The following ULK4 variants were observed in gnomAD, a reference collection of about 807,000 sequenced individuals.
ULK4 encodes unc-51 like kinase 4.
In ULK4, 133 loss-of-function variants were observed where a neutral mutation model predicts 160.6. The observed-to-expected ratio is 0.83, with a 90% CI of 0.72 to 0.96. The LOEUF is 0.96. ULK4 is among the 40% of genes least tolerant of loss of function. The pLI is 0.00. For synonymous variants in ULK4, 534 were observed against 539.8 expected, an observed-to-expected ratio of 0.99 and a Z score of 0.15; for missense variants, 1,580 against 1,499.5, an observed-to-expected ratio of 1.05 and a Z score of -0.89.
intron 17 of ULK4, among the ~76,000 whole-genome samples, chr3:41,881,226 T>C (rs1230382858): frequency 6.9e-6 from 1 of 144,088 alleles, no homozygotes; most frequent in Non-Finnish European, 1.5e-5. Context: ...ATCTTATTCA[T>C]CTCAAATGGT....
chr3:41,852,196 G>A (rs2042232426), intron 17 of ULK4, among the ~76,000 whole-genome samples: 1 of 152,242 alleles, frequency 6.6e-6, no homozygotes, highest in East Asian at 1.9e-4. Context: ...GGAAGAAGCT[G>A]AATCTCTGAA....
chr3:41,943,865 T>A (rs1002326553), intron 2 of ULK4, among the ~76,000 whole-genome samples: 1 of 152,226 alleles, frequency 6.6e-6, no homozygotes, highest in Non-Finnish European at 1.5e-5. Flanking sequence ...TATTTTTCCC[T>A]TGCTAATAGA....
At chr3:41,367,294 G>A (rs183222269) in intron 35 of ULK4, among the ~76,000 whole-genome samples, 2 of 152,300 alleles carry the variant, frequency 1.3e-5, no homozygotes, top group Admixed American at 1.3e-4. Context: ...CTAAGTAGAT[G>A]CTGCCGAAAG....
rs147785795 is a variant in ULK4, at chr3:41,588,050, T to C, written c.3121-21920A>G. 2.0e-5 allele frequency among the ~76,000 whole-genome samples: 3 copies of C among 152,346 alleles called. No homozygotes were observed. The East Asian group carries it at 5.8e-4, about 29-fold the overall frequency. ...AGTTCTTTTATCCACAAGATTGCTG[T>C]TGAAATCAGGCTTTGGCCAGATTTA... On this transcript the variant is annotated intron_variant, in intron 31 of 36. Transcript: ENST00000301831.
intron 35 of ULK4, among the ~76,000 whole-genome samples, chr3:41,358,805 C>G (rs1012371625): frequency 1.3e-5 from 2 of 152,060 alleles, no homozygotes; most frequent in African/African-American, 4.8e-5. Flanking sequence ...ATGCCATAAA[C>G]TTACTTAGGT....
intron 32 of ULK4, among the ~76,000 whole-genome samples, chr3:41,506,786 A>ATATT (rs2085405428): frequency 1.0e-5 from 1 of 96,012 alleles, no homozygotes; most frequent in South Asian, 3.8e-4. Flanking sequence ...ATATATATAT[A>ATATT]TATATATATA....
rs141525251 is a variant in ULK4, at chr3:41,742,953, A to G, written c.2321+11408T>C. Among the ~76,000 whole-genome samples, 36 of 152,040 alleles carry G rather than the reference A, an allele frequency of 2.4e-4. No homozygotes were observed. In the East Asian group the frequency reaches 5.4e-3, roughly 23 times the overall value. ...AGAAAAAATAGACAAAAGAAAAAAAATAGAGTCTCAGGGATCAGTAGGAGA... is the reference window on the plus strand; with the variant it reads ...AGAAAAAATAGACAAAAGAAAAAAAGTAGAGTCTCAGGGATCAGTAGGAGA... On this transcript the variant is annotated intron_variant, in intron 22 of 36. Coordinates refer to ENST00000301831, the MANE Select transcript of ULK4 (RefSeq NM_017886.4).
chr3:41,893,605 C>T (rs1168773553), intron 16 of ULK4, among the ~76,000 whole-genome samples: 1 of 151,448 alleles, frequency 6.6e-6, no homozygotes, highest in Non-Finnish European at 1.5e-5. Flanking sequence ...GATTTATTCT[C>T]AAAAATGTTC....
intron 32 of ULK4, among the ~76,000 whole-genome samples, chr3:41,469,717 G>T (rs2083929194): frequency 1.4e-5 from 2 of 141,684 alleles, no homozygotes; most frequent in South Asian, 4.3e-4. Context: ...AGGAAATCAT[G>T]ATATATCCAA....
chr3:41,721,152 A>AT lies in ULK4; in HGVS notation c.2322-3292dup, dbSNP rs1436256091. On this transcript the variant is annotated intron_variant, in intron 22 of 36. Coordinates refer to ENST00000301831, the MANE Select transcript of ULK4 (RefSeq NM_017886.4). The stretch of plus-strand genomic sequence containing the variant: ...ATAATCCATATTCATATTTGCTTAG[A>AT]TTTTTAAAAAATCCAGAGGGATAAA... 3.3e-5 allele frequency among the ~76,000 whole-genome samples: 5 copies of AT among 150,420 alleles called. No individual in the cohort carries two copies. The South Asian group carries it at 8.4e-4, about 25-fold the overall frequency.
intron 16 of ULK4, among the ~76,000 whole-genome samples, chr3:41,884,244 A>C (rs186489288): frequency 7.2e-5 from 11 of 152,318 alleles, no homozygotes; most frequent in Middle Eastern, 3.4e-3. Context: ...AAAATCTTTA[A>C]CCAGAGAAAA....
intron 32 of ULK4, among the ~76,000 whole-genome samples, chr3:41,554,263 G>A (rs1021426827): frequency 2.0e-5 from 3 of 152,138 alleles, no homozygotes; most frequent in South Asian, 2.1e-4. Flanking sequence ...TAGCCAAGAC[G>A]TGGAATCAAC....
chr3:41,332,016 G>T (rs1460656714), intron 35 of ULK4, among the ~76,000 whole-genome samples: 1 of 152,066 alleles, frequency 6.6e-6, no homozygotes, highest in Non-Finnish European at 1.5e-5. Flanking sequence ...ATAAATAGTT[G>T]TTAAAATAAA....
intron 32 of ULK4, 89 bp downstream of exon 32, chr3:41,565,936 T>C: frequency 1.1e-6 from 1 of 920,232 alleles, no homozygotes; most frequent in Non-Finnish European, 1.6e-6. Flanking sequence ...CTCATCAACT[T>C]TAAGTGGTAC....
chr3:41,361,850 G>C (rs1311632637), intron 35 of ULK4, among the ~76,000 whole-genome samples: 3 of 152,130 alleles, frequency 2.0e-5, no homozygotes, highest in African/African-American at 7.2e-5. Context: ...GAAGTCAGCT[G>C]TTTTTGTATC....
In ULK4 at chr3:41,362,511, G is replaced by A. The variant is rs79211427; in HGVS notation, c.3678+35568C>T. The stretch of plus-strand genomic sequence containing the variant: ...ATGTATCATATACAGTATATACAAT[G>A]ATGATGATGGTTAAACTGTCAAGCT... On this transcript the variant is annotated intron_variant, in intron 35 of 36. Transcript: ENST00000301831. Among the ~76,000 whole-genome samples, 765 of 152,270 alleles carry A rather than the reference G, an allele frequency of 5.0e-3. 9 individuals are homozygous for A. Among genetic ancestry groups the A allele is most frequent in the African/African-American group, 0.018 (734 of 41,546 alleles).
Position 41,634,263 on chromosome 3 carries a change from T to C in ULK4, c.3072-18546A>G, listed in dbSNP as rs113771912. On this transcript the variant is annotated intron_variant, in intron 30 of 36. Transcript: ENST00000301831. ...TGCCTGACCCATGTCCAGTTTATGATTGCCTGACCATCACTCTGGCTCTGA... is the reference window on the plus strand; with the variant it reads ...TGCCTGACCCATGTCCAGTTTATGACTGCCTGACCATCACTCTGGCTCTGA... Among the ~76,000 whole-genome samples the C allele has an allele frequency of 1.0e-2, 1,519 of 152,294 alleles. 33 individuals carry two copies. Among genetic ancestry groups the C allele is most frequent in the African/African-American group, 0.034 (1,404 of 41,568 alleles).
chr3:41,855,539 T>C (rs949132319), intron 17 of ULK4, among the ~76,000 whole-genome samples: 8 of 152,218 alleles, frequency 5.3e-5, no homozygotes, highest in African/African-American at 1.2e-4. Context: ...GTAATTAAAA[T>C]TGGGTCCTTT....
At position 41,954,812 on chromosome 3, in the gene ULK4, G is replaced by A. The variant is rs17284472; in HGVS notation, c.-48-5C>T. 0.14 allele frequency: 215,024 copies of A among 1,523,504 alleles called. 15,820 individuals are homozygous for A. Among genetic ancestry groups the A allele is most frequent in the Middle Eastern group, 0.23 (1,296 of 5,718 alleles). 94.4% of individuals were successfully genotyped at this position (1,523,504 alleles called of 1,614,324 possible). On this transcript the variant is annotated splice_polypyrimidine_tract_variant and splice_region_variant and intron_variant, in intron 1 of 36. Coordinates refer to ENST00000301831, the MANE Select transcript of ULK4 (RefSeq NM_017886.4). ...GAATAACAGCATCTCTAGCTCCTAA[G>A]AAGTAAACAAAAATGACATTGATAA...
Sources: gnomAD v4.1 joint callset for allele counts (sites outside exome capture counted in the v4.1 genomes callset) on GRCh38, gnomAD v4.1.1 for gene constraint, MANE v1.5 for transcripts, NCBI Gene and HGNC (gene_info 2026-07-23, HGNC 2026-07-21) for gene names.